NLGN1: variants seen among roughly 807,000 people sequenced by gnomAD.
NLGN1 encodes the protein neuroligin-1.
Under a neutral mutation model 65.5 loss-of-function variants are expected in NLGN1, and 12 were observed. The observed-to-expected ratio is 0.18, with a 90% CI of 0.12 to 0.30. NLGN1 has a LOEUF of 0.30. Among genes scored for constraint, NLGN1 ranks in the 10% least tolerant of loss-of-function variants. The probability of loss-of-function intolerance (pLI) is 1.00; values close to 1 mark genes in which losing one functional copy is unlikely to be tolerated. For synonymous variants in NLGN1, 350 were observed against 359.5 expected (o/e 0.97, Z 0.30); for missense variants, 750 against 1,007.1 (o/e 0.74, Z 3.46).
Position 174,030,991 on chromosome 3 carries a change from T to C in NLGN1, c.646+223159T>C, listed in dbSNP as rs184474976. ...CACCACTCTCCCCTGGCCTACAGTATAAAACTGGTTAGAAGGTGAAGAAAT... is the reference window on the plus strand; with the variant it reads ...CACCACTCTCCCCTGGCCTACAGTACAAAACTGGTTAGAAGGTGAAGAAAT... On this transcript the variant is annotated intron_variant, in intron 4 of 6. Coordinates refer to ENST00000457714, the Ensembl canonical transcript of NLGN1. Among the ~76,000 whole-genome samples, 10 of 152,322 alleles carry C rather than the reference T, an allele frequency of 6.6e-5. No individual in the cohort carries two copies. The East Asian group carries it at 1.2e-3, about 18-fold the overall frequency.
intron 3 of NLGN1, among the ~76,000 whole-genome samples, chr3:173,607,517 A>G (rs1293342377): frequency 6.6e-6 from 1 of 150,908 alleles, no homozygotes; most frequent in Non-Finnish European, 1.5e-5. Context: ...TATAAATAGT[A>G]TTTTTAAAAT....
intron 4 of NLGN1, among the ~76,000 whole-genome samples, chr3:174,248,770 A>G (rs1744260531): frequency 6.6e-6 from 1 of 152,200 alleles, no homozygotes; most frequent in African/African-American, 2.4e-5. Flanking sequence ...CAAAAAAATA[A>G]AAATAAAAGA....
At chr3:174,278,498 A>G (rs1451256213) in intron 5 of NLGN1, among the ~76,000 whole-genome samples, 1 of 151,992 alleles carries the variant, frequency 6.6e-6, no homozygotes, top group Non-Finnish European at 1.5e-5. Flanking sequence ...AGAGTTAAAT[A>G]GGAGAAGATT....
intron 4 of NLGN1, among the ~76,000 whole-genome samples, chr3:173,996,332 C>A (rs979160734): frequency 6.6e-6 from 1 of 151,044 alleles, no homozygotes; most frequent in African/African-American, 2.5e-5. Flanking sequence ...CTGTCTGGTG[C>A]CTCAGATTGA....
chr3:173,731,663 T>C (rs1177827420), intron 3 of NLGN1, among the ~76,000 whole-genome samples: 1 of 151,912 alleles, frequency 6.6e-6, no homozygotes, highest in African/African-American at 2.4e-5. Context: ...AAAAACAGCA[T>C]GAGAAACATT....
chr3:173,492,557 A>G (rs1402742594), intron 2 of NLGN1, among the ~76,000 whole-genome samples: 26 of 151,830 alleles, frequency 1.7e-4, no homozygotes, highest in Admixed American at 1.7e-3. Context: ...GCAAGGTTGA[A>G]ATTAGTGTGC....
At chr3:173,691,475 A>G (rs1478115145) in intron 3 of NLGN1, among the ~76,000 whole-genome samples, 1 of 152,180 alleles carries the variant, frequency 6.6e-6, no homozygotes, top group Admixed American at 6.6e-5. Context: ...TCATAAGGAA[A>G]ATAAAATCTT....
At chr3:173,675,887 T>TCTCTCTCTCTCTCTCA (rs756157881) in intron 3 of NLGN1, among the ~76,000 whole-genome samples, 13 of 138,644 alleles carry the variant, frequency 9.4e-5, no homozygotes, top group African/African-American at 3.4e-4. Context: ...TCTCTCTCTC[T>TCTCTCTCTCTCTCTCA]CACACACACA....
chr3:173,637,094 G>T (rs531019278), intron 3 of NLGN1, among the ~76,000 whole-genome samples: 3 of 152,204 alleles, frequency 2.0e-5, no homozygotes, highest in African/African-American at 7.2e-5. Flanking sequence ...TACTTTGCCT[G>T]AACAGCAAAC....
At chr3:173,550,852 A>G (rs1740731156) in intron 2 of NLGN1, among the ~76,000 whole-genome samples, 1 of 152,134 alleles carries the variant, frequency 6.6e-6, no homozygotes, top group Non-Finnish European at 1.5e-5. Flanking sequence ...TAAAATATAT[A>G]TTATAACCTA....
At chr3:173,774,243 A>C (rs906370863) in intron 3 of NLGN1, among the ~76,000 whole-genome samples, 4 of 152,252 alleles carry the variant, frequency 2.6e-5, no homozygotes, top group African/African-American at 7.2e-5. Context: ...GAGCCAGAGC[A>C]AGAAATGTCA....
chr3:174,167,594 T>C (rs7634859), intron 4 of NLGN1, among the ~76,000 whole-genome samples: 164 of 99,790 alleles, frequency 1.6e-3, no homozygotes, highest in African/African-American at 0.011. Context: ...ATCTGCCCCC[T>C]TTTTTTTTTT....
chr3:173,509,287 T>C (rs1732539499), intron 2 of NLGN1, among the ~76,000 whole-genome samples: 1 of 152,214 alleles, frequency 6.6e-6, no homozygotes, highest in Non-Finnish European at 1.5e-5. Context: ...CATTTAGATA[T>C]TTTTAAGGAT....
At chr3:174,227,463 T>C (rs1170761813) in intron 4 of NLGN1, among the ~76,000 whole-genome samples, 1 of 150,712 alleles carries the variant, frequency 6.6e-6, no homozygotes, top group Non-Finnish European at 1.5e-5. Context: ...TTCTCTTCAG[T>C]TTATTCATAT....
At chr3:173,452,226 C>T (rs534834577) in intron 2 of NLGN1, among the ~76,000 whole-genome samples, 30 of 148,790 alleles carry the variant, frequency 2.0e-4, no homozygotes, top group Admixed American at 3.3e-4. Flanking sequence ...GATGGAGTCT[C>T]GCTCTGTTGC....
chr3:173,863,562 A>C (rs1729560007), intron 4 of NLGN1, among the ~76,000 whole-genome samples: 1 of 152,240 alleles, frequency 6.6e-6, no homozygotes, highest in Admixed American at 6.5e-5. Flanking sequence ...AGTCATTCTG[A>C]ATATCTTTAA....
At chr3:173,668,619 CTTT>C (rs34649854) in intron 3 of NLGN1, among the ~76,000 whole-genome samples, 37 of 132,734 alleles carry the variant, frequency 2.8e-4, no homozygotes, top group Non-Finnish European at 3.6e-4. Flanking sequence ...CTTTTCTTTT[CTTT>C]TTTTTTTTTT....
intron 3 of NLGN1, among the ~76,000 whole-genome samples, chr3:173,702,815 G>A (rs373578215): frequency 1.1e-4 from 17 of 152,240 alleles, no homozygotes; most frequent in African/African-American, 3.9e-4. Flanking sequence ...CCGCTTCCCT[G>A]TAGCTTTAAA....
chr3:173,411,867 A>G (rs918778837), intron 1 of NLGN1, among the ~76,000 whole-genome samples: 10 of 152,120 alleles, frequency 6.6e-5, no homozygotes, highest in Non-Finnish European at 1.0e-4. Context: ...GGAGCCACTT[A>G]CACACTTTTG....
Sources: gnomAD v4.1 joint callset for allele counts (sites outside exome capture counted in the v4.1 genomes callset) on GRCh38, gnomAD v4.1.1 for gene constraint, MANE v1.5 for transcripts, NCBI Gene and HGNC (gene_info 2026-07-23, HGNC 2026-07-21) for gene names.